The following IQGAP1 variants were observed in gnomAD, a reference collection of about 807,000 sequenced individuals.
IQGAP1 encodes the protein IQ motif containing GTPase activating protein 1.
A neutral mutation model predicts 215.6 loss-of-function variants in IQGAP1; 66 were observed. The observed-to-expected ratio is 0.31, with a 90% CI of 0.25 to 0.38. IQGAP1 has a LOEUF of 0.38. Ranked by LOEUF, IQGAP1 falls within the 10% of genes least tolerant of loss-of-function variation. The pLI, the probability that IQGAP1 is intolerant of heterozygous loss-of-function variation, is 1.00. For missense variants in IQGAP1, 1,712 were observed against 1,997.1 expected (o/e 0.86, Z 2.72); for synonymous variants, 772 against 728.7 (o/e 1.06, Z -0.96).
At chr15:90,410,387 G>C (rs1056408456) in intron 2 of IQGAP1, among the ~76,000 whole-genome samples, 2 of 152,126 alleles carry the variant, frequency 1.3e-5, no homozygotes, top group African/African-American at 4.8e-5. Context: ...ACATGCGCAC[G>C]TATGTTTACT....
chr15:90,456,305 A>C lies in IQGAP1; in HGVS notation c.1766A>C (p.Glu589Ala), dbSNP rs1288320521. Residue 589 changes from glutamate (E) to alanine (A), a missense_variant, in exon 15 of 38, where the codon GAG becomes GCG. Glu to Ala is a moderately radical substitution (Grantham distance 107). Transcript: ENST00000268182. ...GACACGCTGATTAGAGCGAAGAGAG[A>C]GAAAGCCCAGGTGAGTGGCATCGGA... ...YQDTLIRAKR[E>A]KAQEIQDESA... 6.2e-7 allele frequency: 1 copy of C among 1,613,864 alleles called. No homozygotes were observed. Among genetic ancestry groups the C allele is most frequent in the Non-Finnish European group, 8.5e-7 (1 of 1,179,942 alleles).
intron 17 of IQGAP1, among the ~76,000 whole-genome samples, chr15:90,467,164 G>A (rs1156483230): frequency 1.3e-5 from 2 of 152,130 alleles, no homozygotes; most frequent in African/African-American, 4.8e-5. Flanking sequence ...AGACAGACAG[G>A]CCTTAAACTT....
At chr15:90,467,687 C>T (rs1355239581) in intron 18 of IQGAP1, 95 bp downstream of exon 18, 2 of 1,307,040 alleles carry the variant, frequency 1.5e-6, no homozygotes, top group Non-Finnish European at 2.1e-6. Context: ...GTCAGAAGCC[C>T]TAGACTAAAA....
At chr15:90,400,921 C>T (rs1368840267) in intron 2 of IQGAP1, among the ~76,000 whole-genome samples, 5 of 152,252 alleles carry the variant, frequency 3.3e-5, no homozygotes, top group Non-Finnish European at 1.5e-5. Context: ...ATTTTTAAGC[C>T]TTGTGGTATC....
intron 18 of IQGAP1, among the ~76,000 whole-genome samples, chr15:90,470,684 C>A (rs912182573): frequency 6.6e-6 from 1 of 152,074 alleles, no homozygotes; most frequent in Non-Finnish European, 1.5e-5. Context: ...TGTTACCATC[C>A]ACTTCTTGGC....
chr15:90,426,326 T>C, intron 3 of IQGAP1, 60 bp downstream of exon 3: 1 of 1,543,096 alleles, frequency 6.5e-7, no homozygotes, highest in Non-Finnish European at 8.7e-7. Flanking sequence ...TAGCATGTTT[T>C]ATTTTGTGTA....
intron 15 of IQGAP1, among the ~76,000 whole-genome samples, chr15:90,464,851 C>CA (rs397763798): frequency 0.19 from 23,961 of 127,754 alleles, 2,553 homozygotes; most frequent in East Asian, 0.5. Flanking sequence ...GACTCTGTCT[C>CA]AAAAAAAAAA....
intron 35 of IQGAP1, 77 bp downstream of exon 35, chr15:90,492,788 G>T: frequency 8.2e-7 from 1 of 1,222,790 alleles, no homozygotes. Context: ...AAATGACACT[G>T]GAAATTTTTA....
At position 90,491,418 on chromosome 15, in the gene IQGAP1, A is replaced by G. The variant is rs770304915; in HGVS notation, c.4334A>G (p.Lys1445Arg). ...AAGATGAAAAAGTCAAAATCTGTAAAGGAAGACAGCAACCTCACTCTTCAA... is the reference window on the plus strand; with the variant it reads ...AAGATGAAAAAGTCAAAATCTGTAAGGGAAGACAGCAACCTCACTCTTCAA... The part of the protein sequence containing the change: ...PDKMKKSKSV[K>R]EDSNLTLQEK... Residue 1445 changes from lysine (K) to arginine (R), a missense_variant, in exon 34 of 38, where the codon AAG (lysine) becomes AGG (arginine). By Grantham distance (26) the Lys-to-Arg change is conservative. Transcript: ENST00000268182. 3.3e-5 allele frequency: 54 copies of G among 1,614,092 alleles called. No homozygotes were observed. The highest frequency in any genetic ancestry group is 4.2e-5 in the Non-Finnish European group (49 of 1,180,028).
intron 2 of IQGAP1, among the ~76,000 whole-genome samples, chr15:90,423,287 G>A (rs905267839): frequency 6.6e-5 from 10 of 152,070 alleles, no homozygotes; most frequent in Non-Finnish European, 1.3e-4. Context: ...CAGTTAGAGT[G>A]CAGTGCCACC....
Position 90,466,391 on chromosome 15 carries a change from T to TA in IQGAP1, c.1991dup (p.Tyr664Ter). ...AGTCATCCCTGAGTGTGGTGAAACTTACCACAGTGATCTTGCTGAAGCCAA... is the reference window on the plus strand; with the variant it reads ...AGTCATCCCTGAGTGTGGTGAAACTTAACCACAGTGATCTTGCTGAAGCCAA... The part of the protein sequence containing the change: ...YGVIPECGET[Y>*]HSDLAEAKKK... Residue 664 changes from tyrosine (Y) to a stop codon, truncating the protein, a stop_gained and frameshift_variant, in exon 17 of 38, where the codon TAC becomes TAAC. Transcript: ENST00000268182. LOFTEE classifies it high-confidence loss of function. The TA allele has an allele frequency of 6.2e-7, 1 of 1,614,164 alleles. No individual in the cohort carries two copies. The highest frequency in any genetic ancestry group is 1.1e-5 in the South Asian group (1 of 91,078).
At chr15:90,460,295 G>A (rs1965743805) in intron 15 of IQGAP1, among the ~76,000 whole-genome samples, 1 of 152,046 alleles carries the variant, frequency 6.6e-6, no homozygotes, top group African/African-American at 2.4e-5. Context: ...CATGTGCACA[G>A]CCCACACATG....
At chr15:90,417,118 GATA>G (rs751535686) in intron 2 of IQGAP1, among the ~76,000 whole-genome samples, 4 of 152,208 alleles carry the variant, frequency 2.6e-5, no homozygotes, top group Non-Finnish European at 5.9e-5. Flanking sequence ...CCCTTTGTCA[GATA>G]AGTATATTGC....
At chr15:90,447,484 T>C (rs1965542141) in intron 9 of IQGAP1, among the ~76,000 whole-genome samples, 1 of 152,244 alleles carries the variant, frequency 6.6e-6, no homozygotes, top group African/African-American at 2.4e-5. Flanking sequence ...ACATTTGCAA[T>C]TGATAAGTAC....
intron 2 of IQGAP1, among the ~76,000 whole-genome samples, chr15:90,400,401 CT>C (rs1387463869): frequency 6.6e-6 from 1 of 152,136 alleles, no homozygotes; most frequent in African/African-American, 2.4e-5. Flanking sequence ...TAATTAATTC[CT>C]TTTCCGTCTC....
At chr15:90,430,139 T>C (rs1246217867) in intron 4 of IQGAP1, among the ~76,000 whole-genome samples, 1 of 152,176 alleles carries the variant, frequency 6.6e-6, no homozygotes, top group Non-Finnish European at 1.5e-5. Flanking sequence ...ACTTCCTGGA[T>C]CTGTTTTTGG....
At chr15:90,442,063 A>G (rs1226822417) in intron 8 of IQGAP1, among the ~76,000 whole-genome samples, 1 of 152,222 alleles carries the variant, frequency 6.6e-6, no homozygotes, top group African/African-American at 2.4e-5. Flanking sequence ...AAAATTCTAG[A>G]GCGTAGCCAT....
chr15:90,424,274 T>G (rs1420851717), intron 2 of IQGAP1, among the ~76,000 whole-genome samples: 1 of 152,212 alleles, frequency 6.6e-6, no homozygotes, highest in Non-Finnish European at 1.5e-5. Context: ...CTTTGCATCT[T>G]TAGGCTGAAT....
Position 90,441,561 on chromosome 15 carries a change from C to G in IQGAP1, c.705C>G (p.Asp235Glu). The G allele has an allele frequency of 6.2e-7, 1 of 1,613,698 alleles. No individual in the cohort carries two copies. The highest frequency in any genetic ancestry group is 8.5e-7 in the Non-Finnish European group (1 of 1,179,928). The change falls in exon 8 of 38, where the codon GAC becomes GAG. Residue 235 changes from aspartate (D) to glutamate (E), a missense_variant. Transcript: ENST00000268182. ...CTATTGACCGTAGAATTCCAGCCGA[C>G]ACATTTGCAGCTTTGAAAAATCCGA... ...NEAIDRRIPA[D>E]TFAALKNPNA... is the part of the protein sequence containing the mutation.
Sources: allele counts gnomAD v4.1 joint callset (sites outside exome capture counted in the v4.1 genomes callset), GRCh38; gene constraint gnomAD v4.1.1; transcripts MANE v1.5; gene names NCBI Gene and HGNC (gene_info 2026-07-23, HGNC 2026-07-21).